The following ARHGAP21 variants were observed in gnomAD, a reference collection of about 807,000 sequenced individuals.
ARHGAP21 encodes Rho GTPase activating protein 21.
Under a neutral mutation model 164.6 loss-of-function variants are expected in ARHGAP21, and 38 were observed. The ratio of observed to expected loss-of-function variants is 0.23; its 90% CI spans 0.18 to 0.30. The LOEUF is 0.30. Among genes scored for constraint, ARHGAP21 ranks in the 10% least tolerant of loss-of-function variants. The probability of loss-of-function intolerance (pLI) is 1.00; values close to 1 mark genes in which losing one functional copy is unlikely to be tolerated. For synonymous variants in ARHGAP21, 766 were observed against 857.9 expected (o/e 0.89, Z 1.87); for missense variants, 1,822 against 2,370.7 (o/e 0.77, Z 4.81).
chr10:24,619,582 G>A lies in ARHGAP21; in HGVS notation c.2313C>T (p.Cys771=). 6.2e-7 allele frequency: 1 copy of A among 1,614,176 alleles called. No individual in the cohort carries two copies. Among genetic ancestry groups the A allele is most frequent in the Non-Finnish European group, 8.5e-7 (1 of 1,180,032 alleles). Residue 771 remains cysteine, a synonymous_variant, in exon 9 of 26, where the codon TGC becomes TGT. Transcript: ENST00000396432. Reference sequence around the variant, plus strand: ...CTCGACGTGCATCATTGGGCAGCCAGCAGGTAGTGTCTGACCCGGTCTCCT... The same window carrying A: ...CTCGACGTGCATCATTGGGCAGCCAACAGGTAGTGTCTGACCCGGTCTCCT... ...NDQETGSDTT[C]WLPNDARREV... is the part of the protein sequence containing the mutation.
chr10:24,692,652 C>T (rs570598374), intron 2 of ARHGAP21, among the ~76,000 whole-genome samples: 2 of 151,950 alleles, frequency 1.3e-5, no homozygotes, highest in African/African-American at 4.8e-5. Flanking sequence ...GCCAACATGG[C>T]GGAACCCCAT....
At chr10:24,722,566 G>A (rs1471146273) in intron 1 of ARHGAP21, 1 of 152,786 alleles carries the variant, frequency 6.5e-6, no homozygotes, top group African/African-American at 2.4e-5. Context: ...GTAGAGCAGA[G>A]GGCTGTGCAT....
At chr10:24,687,813 C>T (rs967751538) in intron 2 of ARHGAP21, among the ~76,000 whole-genome samples, 5 of 152,084 alleles carry the variant, frequency 3.3e-5, no homozygotes, top group African/African-American at 9.7e-5. Context: ...ATACCAAGCA[C>T]GAATATAGGC....
intron 2 of ARHGAP21, among the ~76,000 whole-genome samples, chr10:24,696,108 T>C (rs1412332990): frequency 6.6e-6 from 1 of 152,202 alleles, no homozygotes; most frequent in African/African-American, 2.4e-5. Context: ...TGTGAAACAA[T>C]AGTTTCCAGG....
At chr10:24,655,657 G>A (rs1469128108) in intron 4 of ARHGAP21, among the ~76,000 whole-genome samples, 1 of 145,836 alleles carries the variant, frequency 6.9e-6, no homozygotes, top group African/African-American at 2.6e-5. Flanking sequence ...AGTGAGGAGT[G>A]TCTCTGCCTG....
At chr10:24,648,815 G>A (rs544526068) in intron 4 of ARHGAP21, 528 of 945,100 alleles carry the variant, frequency 5.6e-4, no homozygotes, top group Non-Finnish European at 6.4e-4. Context: ...AGGTCAAAAT[G>A]TATATATATT....
chr10:24,626,402 T>A (rs2131268649), intron 7 of ARHGAP21, among the ~76,000 whole-genome samples: 1 of 152,214 alleles, frequency 6.6e-6, no homozygotes, highest in Middle Eastern at 3.4e-3. Context: ...GTCATGAGGG[T>A]AGACCTCATG....
chr10:24,719,098 T>TACACACACAC (rs57863565), intron 2 of ARHGAP21, among the ~76,000 whole-genome samples: 1,550 of 147,590 alleles, frequency 0.011, 17 homozygotes, highest in African/African-American at 0.029. Context: ...CTTCACGGAC[T>TACACACACAC]ACACACACAC....
intron 2 of ARHGAP21, among the ~76,000 whole-genome samples, chr10:24,694,380 A>T (rs1269151321): frequency 6.6e-6 from 1 of 152,244 alleles, no homozygotes; most frequent in Non-Finnish European, 1.5e-5. Flanking sequence ...GGTTCCCGTC[A>T]TTCCTTAATG....
At position 24,584,987 on chromosome 10, in the gene ARHGAP21, G is replaced by A. The variant is rs754906542; in HGVS notation, c.5302C>T (p.Arg1768Trp). Residue 1768 changes from arginine (R) to tryptophan (W), a missense_variant, in exon 26 of 26, where the codon CGG (arginine) becomes TGG (tryptophan). This residue lies in a region of ARHGAP21 where 117 missense variants were observed against 193.2 expected (regional missense o/e 0.61). Transcript: ENST00000396432. ...GGGGCTCTGGGTCTCAGTTTTAACCGATCTGCTATTTTCGTTTTCCATGTG... is the reference window on the plus strand; with the variant it reads ...GGGGCTCTGGGTCTCAGTTTTAACCAATCTGCTATTTTCGTTTTCCATGTG... ...EPTWKTKIAD[R>W]LKLRPRAPAD... The A allele has an allele frequency of 1.9e-6, 3 of 1,613,824 alleles. No individual in the cohort carries two copies. The highest frequency in any genetic ancestry group is 2.5e-6 in the Non-Finnish European group (3 of 1,179,876).
intron 2 of ARHGAP21, among the ~76,000 whole-genome samples, chr10:24,678,201 G>A (rs1001335503): frequency 2.6e-5 from 4 of 152,102 alleles, no homozygotes; most frequent in Non-Finnish European, 5.9e-5. Context: ...GAAAACTATA[G>A]TACAACATCA....
At chr10:24,644,770 A>G (rs1837393009) in intron 4 of ARHGAP21, among the ~76,000 whole-genome samples, 1 of 152,032 alleles carries the variant, frequency 6.6e-6, no homozygotes, top group South Asian at 2.1e-4. Flanking sequence ...TTCTCTGACC[A>G]GCTCTTAGAG....
At chr10:24,598,433 A>G (rs1372240090) in intron 14 of ARHGAP21, among the ~76,000 whole-genome samples, 1 of 152,262 alleles carries the variant, frequency 6.6e-6, no homozygotes, top group Non-Finnish European at 1.5e-5. Context: ...AGATGAAAAC[A>G]GACTGCCAGA....
In ARHGAP21 at chr10:24,625,563, T is replaced by G. The variant is rs184367426; in HGVS notation, c.496-2801A>C. Reference sequence around the variant, plus strand: ...TATTTTCAACCAGCACATACTATTCTTGTAATTATTTAAAAATAGATTTTA... The same window carrying G: ...TATTTTCAACCAGCACATACTATTCGTGTAATTATTTAAAAATAGATTTTA... On this transcript the variant is annotated intron_variant, in intron 7 of 25. Transcript: ENST00000396432. 1.7e-3 allele frequency among the ~76,000 whole-genome samples: 254 copies of G among 152,288 alleles called. 1 individual carries two copies. Among genetic ancestry groups the G allele is most frequent in the African/African-American group, 5.8e-3 (243 of 41,550 alleles).
At chr10:24,644,188 G>C (rs2131469434) in intron 4 of ARHGAP21, among the ~76,000 whole-genome samples, 1 of 152,062 alleles carries the variant, frequency 6.6e-6, no homozygotes, top group East Asian at 1.9e-4. Context: ...TCAGGACCTT[G>C]CCACCATAAT....
At chr10:24,606,469 T>TAATA (rs973312439) in intron 11 of ARHGAP21, among the ~76,000 whole-genome samples, 18 of 152,330 alleles carry the variant, frequency 1.2e-4, no homozygotes, top group Admixed American at 2.0e-4. Flanking sequence ...TATGCCATTA[T>TAATA]AATAATTAAA....
chr10:24,622,312 C>T (rs1250542095), intron 8 of ARHGAP21, among the ~76,000 whole-genome samples: 1 of 151,482 alleles, frequency 6.6e-6, no homozygotes, highest in Non-Finnish European at 1.5e-5. Context: ...TCAAAACAAG[C>T]TTAACTCAAG....
rs185432366 is a variant in ARHGAP21, at chr10:24,612,582, T to C, written c.2423-4679A>G. ...CTTAAAAATAAATTCAGGCCAGGTG[T>C]GGTGGCTCACGCCTGTAATCCCAGC... On this transcript the variant is annotated intron_variant, in intron 9 of 25. Transcript: ENST00000396432. 1.1e-3 allele frequency among the ~76,000 whole-genome samples: 172 copies of C among 152,262 alleles called. 3 individuals carry two copies. Among genetic ancestry groups the C allele is most frequent in the South Asian group, 6.0e-3 (29 of 4,826 alleles).
chr10:24,617,071 G>A (rs566975701), intron 9 of ARHGAP21, among the ~76,000 whole-genome samples: 10 of 152,182 alleles, frequency 6.6e-5, no homozygotes, highest in South Asian at 2.1e-4. Flanking sequence ...GGTGAGCAGC[G>A]GGGGAAGGAG....
Sources: allele counts gnomAD v4.1 joint callset (sites outside exome capture counted in the v4.1 genomes callset), GRCh38; gene constraint gnomAD v4.1.1; regional missense constraint gnomAD v4.1.1; transcripts MANE v1.5; gene names NCBI Gene and HGNC (gene_info 2026-07-23, HGNC 2026-07-21).